Variants in ALDH6A1 observed in about 807,000 individuals in gnomAD.
The protein encoded by ALDH6A1 is aldehyde dehydrogenase 6 family member A1.
A neutral mutation model predicts 62.6 loss-of-function variants in ALDH6A1; 43 were observed. The ratio of observed to expected loss-of-function variants is 0.69; its 90% CI spans 0.54 to 0.89. ALDH6A1 has a LOEUF of 0.89. Ranked by LOEUF, ALDH6A1 falls within the 40% of genes least tolerant of loss-of-function variation. The pLI is 0.00. For missense variants in ALDH6A1, 551 were observed against 661.3 expected (o/e 0.83, Z 1.83); for synonymous variants, 194 against 234.2 (o/e 0.83, Z 1.57).
intron 11 of ALDH6A1, among the ~76,000 whole-genome samples, chr14:74,063,810 G>A (rs1194111521): frequency 2.7e-5 from 4 of 149,908 alleles, no homozygotes; most frequent in African/African-American, 9.8e-5. Flanking sequence ...AGGTTGCAGT[G>A]AGCCAAGATT....
At chr14:74,065,854 G>A (rs1404010945) in intron 9 of ALDH6A1, 3 of 168,738 alleles carry the variant, frequency 1.8e-5, no homozygotes, top group Non-Finnish European at 3.9e-5. Flanking sequence ...ATATCAGGTC[G>A]CAGACACTCA....
intron 1 of ALDH6A1, among the ~76,000 whole-genome samples, chr14:74,079,867 C>G (rs2060654246): frequency 6.6e-6 from 1 of 152,020 alleles, no homozygotes; most frequent in Non-Finnish European, 1.5e-5. Context: ...CGACATGTGA[C>G]CTCTACGGAT....
Position 74,067,383 on chromosome 14 carries a change from C to T in ALDH6A1, c.1039G>A (p.Ala347Thr). ...GGCAAGTCAGGTGATTGATTACCTG[C>T]ATTGACTCTCAGGTTTTTGGCATGC... Reference protein sequence around the residue: ...VEHAKNLRVNAGDQPGADLGP... With the variant: ...VEHAKNLRVNTGDQPGADLGP... The change falls in exon 8 of 12, where the codon GCA (alanine) becomes ACA (threonine). Residue 347 changes from alanine to threonine, a missense_variant. Transcript: ENST00000553458. The T allele has an allele frequency of 6.2e-7, 1 of 1,613,044 alleles. No homozygotes were observed. Among genetic ancestry groups the T allele is most frequent in the Non-Finnish European group, 8.5e-7 (1 of 1,180,008 alleles).
Position 74,068,982 on chromosome 14 carries a change from CT to C in ALDH6A1, c.731-2del. ...GGATGATCGCAAATAAAATTTACAG[CT>C]TTAAGAAGAAAATAAATGATCACTC... On this transcript the variant is annotated splice_acceptor_variant, in intron 6 of 11. Coordinates refer to ENST00000553458, the MANE Select transcript of ALDH6A1 (RefSeq NM_005589.4). LOFTEE classifies it high-confidence loss of function. 1 of 1,613,512 alleles carries C rather than the reference CT, an allele frequency of 6.2e-7. No individual in the cohort carries two copies. Among genetic ancestry groups the C allele is most frequent in the Middle Eastern group, 1.6e-4 (1 of 6,062 alleles).
rs1158121532 is a variant in ALDH6A1 at position 74,062,066 on chromosome 14, A to G, written c.1504-1320T>C. 4.7e-5 allele frequency among the ~76,000 whole-genome samples: 7 copies of G among 147,940 alleles called. No homozygotes were observed. In the East Asian group the frequency reaches 8.0e-4, roughly 17 times the overall value. On this transcript the variant is annotated intron_variant, in intron 11 of 11. Transcript: ENST00000553458. ...TCTCTACTGGGAAAAAAAAAAAAAAAAAAAAAAAAAAAAAGCTGGGCGTGG... is the reference window on the plus strand; with the variant it reads ...TCTCTACTGGGAAAAAAAAAAAAAAGAAAAAAAAAAAAAAGCTGGGCGTGG...
chr14:74,072,800 G>GT (rs1279355691), intron 2 of ALDH6A1, among the ~76,000 whole-genome samples, 189 bp from the exon 3 acceptor site: 1 of 151,956 alleles, frequency 6.6e-6, no homozygotes, highest in Non-Finnish European at 1.5e-5. Context: ...GTGTGTGTGT[G>GT]TTTATTTTTT....
chr14:74,072,084 T>A (rs371972299), intron 4 of ALDH6A1, 110 bp from the exon 5 acceptor site: 2 of 1,568,418 alleles, frequency 1.3e-6, no homozygotes. Flanking sequence ...AGGGAGAGAG[T>A]CATGATCAAC....
intron 2 of ALDH6A1, among the ~76,000 whole-genome samples, chr14:74,073,570 C>T (rs1465731107): frequency 6.6e-6 from 1 of 152,112 alleles, no homozygotes; most frequent in African/African-American, 2.4e-5. Context: ...GCTATTATGA[C>T]TTTTTGGCCC....
rs757916989 is a variant in ALDH6A1, at chr14:74,071,936, C to G, written c.387G>C (p.Lys129Asn). Residue 129 changes from lysine to asparagine, a missense_variant, in exon 5 of 12, where the codon AAG becomes AAC. Coordinates refer to ENST00000553458, the MANE Select transcript of ALDH6A1 (RefSeq NM_005589.4). ...CATCTCCTTCAGCATCAGCTAGGGT[C>G]TTCCCTTGTTCCAATGTGATTAACT... is the stretch of plus-strand genomic sequence containing the variant. ...IAKLITLEQG[K>N]TLADAEGDVF... The G allele has an allele frequency of 6.2e-7, 1 of 1,614,096 alleles. No homozygotes were observed. The highest frequency in any genetic ancestry group is 8.5e-7 in the Non-Finnish European group (1 of 1,180,042).
chr14:74,057,031 T>C lies in ALDH6A1; in HGVS notation c.*3611A>G. 1.3e-6 allele frequency: 2 copies of C among 1,588,484 alleles called. No homozygotes were observed. The highest frequency in any genetic ancestry group is 1.7e-6 in the Non-Finnish European group (2 of 1,160,980). ...AAACATGAGCCCAACACGATGGTTC[T>C]TGTGGGCATCTTGAATGTGCTAATT... On this transcript the variant is annotated 3_prime_UTR_variant, in exon 12 of 12. Coordinates refer to ENST00000553458, the MANE Select transcript of ALDH6A1 (RefSeq NM_005589.4).
intron 1 of ALDH6A1, among the ~76,000 whole-genome samples, chr14:74,078,025 G>C (rs1024884487): frequency 1.3e-5 from 2 of 152,150 alleles, no homozygotes; most frequent in African/African-American, 4.8e-5. Context: ...AGGATCTCTT[G>C]AGCCCAGTTC....
At chr14:74,062,743 C>T (rs1279655363) in intron 11 of ALDH6A1, among the ~76,000 whole-genome samples, 3 of 152,106 alleles carry the variant, frequency 2.0e-5, no homozygotes, top group African/African-American at 7.2e-5. Flanking sequence ...TTTTTAATAA[C>T]CCAAACATAA....
At chr14:74,080,658 G>C (rs1169832948) in intron 1 of ALDH6A1, among the ~76,000 whole-genome samples, 2 of 152,236 alleles carry the variant, frequency 1.3e-5, no homozygotes, top group African/African-American at 4.8e-5. Flanking sequence ...GCCAGGGCTG[G>C]TTTTGAACTC....
intron 5 of ALDH6A1, 189 bp from the exon 6 acceptor site, chr14:74,071,686 GTAT>G: frequency 4.7e-6 from 7 of 1,499,578 alleles, no homozygotes; most frequent in Non-Finnish European, 3.6e-6. Flanking sequence ...ACAGCGATAT[GTAT>G]ATACCCACTG....
intron 1 of ALDH6A1, among the ~76,000 whole-genome samples, chr14:74,081,478 A>G (rs10147775): frequency 0.019 from 2,837 of 152,312 alleles, 57 homozygotes; most frequent in African/African-American, 0.051. Flanking sequence ...TACATCTGGT[A>G]TAATAGAACA....
At chr14:74,065,536 G>A (rs563195738) in intron 9 of ALDH6A1, 176 bp from the exon 10 acceptor site, 19 of 628,790 alleles carry the variant, frequency 3.0e-5, no homozygotes, top group South Asian at 9.6e-5. Flanking sequence ...AGTGTATTCC[G>A]TCTTCCAAGT....
intron 5 of ALDH6A1, 102 bp downstream of exon 5, chr14:74,071,794 C>G: frequency 6.7e-7 from 1 of 1,496,670 alleles, no homozygotes; most frequent in Middle Eastern, 1.7e-4. Context: ...CATGGGATGG[C>G]AAAATCTATG....
At chr14:74,078,181 T>C (rs2060633671) in intron 1 of ALDH6A1, 1 of 455,742 alleles carries the variant, frequency 2.2e-6, no homozygotes, top group Non-Finnish European at 4.4e-6. Context: ...GCTGACTTTG[T>C]TTTTCTTACT....
At chr14:74,062,631 T>C (rs1006096590) in intron 11 of ALDH6A1, among the ~76,000 whole-genome samples, 1 of 152,042 alleles carries the variant, frequency 6.6e-6, no homozygotes, top group Non-Finnish European at 1.5e-5. Flanking sequence ...CCAAAAGCTG[T>C]GACTAATATA....
Sources: allele counts gnomAD v4.1 joint callset (sites outside exome capture counted in the v4.1 genomes callset), GRCh38; gene constraint gnomAD v4.1.1; transcripts MANE v1.5; gene names NCBI Gene and HGNC (gene_info 2026-07-23, HGNC 2026-07-21).